NOXA1: variants seen among roughly 807,000 people sequenced by gnomAD.
The protein encoded by NOXA1 is NCF2-like protein.
Under a neutral mutation model 64.8 loss-of-function variants are expected in NOXA1, and 56 were observed. The ratio of observed to expected loss-of-function variants is 0.86; its 90% CI spans 0.70 to 1.08. NOXA1 has a LOEUF of 1.08. Among genes scored for constraint, NOXA1 ranks in the 50% least tolerant of loss-of-function variants. NOXA1 has a pLI of 0.00. For missense variants in NOXA1, 668 were observed against 658.5 expected, an observed-to-expected ratio of 1.01 and a Z score of -0.16; for synonymous variants, 295 against 294.8, an observed-to-expected ratio of 1.00 and a Z score of -0.01.
At chr9:137,429,218 C>A in intron 4 of NOXA1, 58 bp from the exon 5 acceptor site, 3 of 1,383,382 alleles carry the variant, frequency 2.2e-6, no homozygotes, top group Non-Finnish European at 2.9e-6. Flanking sequence ...AGGGGCTCTG[C>A]GGCTGCAGGC....
In NOXA1 at chr9:137,428,031, A is replaced by G. The variant is rs1444508693; in HGVS notation, c.261-2A>G. On this transcript the variant is annotated splice_acceptor_variant, in intron 2 of 13. Coordinates refer to ENST00000683555, the MANE Select transcript of NOXA1 (RefSeq NM_001256067.2). LOFTEE classifies it high-confidence loss of function. ...TGCTGAGGGGACCCCGGCTGCCCAC[A>G]GGTTCCAGGAGGCTCTGTCTGACTT... The G allele has an allele frequency of 1.9e-5, 29 of 1,565,226 alleles. No homozygotes were observed. Among genetic ancestry groups the G allele is most frequent in the Non-Finnish European group, 2.5e-5 (29 of 1,155,152 alleles).
intron 2 of NOXA1, among the ~76,000 whole-genome samples, chr9:137,427,596 G>A (rs930060644): frequency 1.3e-5 from 2 of 152,216 alleles, no homozygotes; most frequent in African/African-American, 4.8e-5. Flanking sequence ...TCACATCGGC[G>A]CGGGAAGCCC....
intron 1 of NOXA1, 121 bp downstream of exon 1, chr9:137,423,827 C>T (rs1838690663): frequency 2.3e-6 from 2 of 865,438 alleles, no homozygotes; most frequent in Non-Finnish European, 3.0e-6. Flanking sequence ...CAGCGAACGC[C>T]CCGGCAGGTG....
At chr9:137,433,700 C>G in intron 11 of NOXA1, 50 bp from the exon 12 acceptor site, 1 of 1,489,650 alleles carries the variant, frequency 6.7e-7, no homozygotes, top group Non-Finnish European at 9.0e-7. Context: ...GGTCACTGCC[C>G]TCCCTGCAGG....
intron 4 of NOXA1, 83 bp from the exon 5 acceptor site, chr9:137,429,193 T>G: frequency 7.4e-7 from 1 of 1,352,224 alleles, no homozygotes; most frequent in Non-Finnish European, 9.9e-7. Context: ...AGCGGCCCCT[T>G]CTGCTCCAAG....
chr9:137,427,938 T>A, intron 2 of NOXA1, 95 bp from the exon 3 acceptor site: 1 of 780,200 alleles, frequency 1.3e-6, no homozygotes, highest in Admixed American at 2.2e-5. Context: ...TGGAACCAGG[T>A]GTTGGGGGCG....
intron 6 of NOXA1, 34 bp downstream of exon 6, chr9:137,430,877 C>T: frequency 1.3e-6 from 2 of 1,558,946 alleles, no homozygotes; most frequent in African/African-American, 1.4e-5. Context: ...CCTGCCTGGC[C>T]TCACCCAGCT....
rs1838975474 is a variant in NOXA1 at position 137,429,140 on chromosome 9, G to A, written c.504+124G>A. On this transcript the variant is annotated intron_variant, in intron 4 of 13. Coordinates refer to ENST00000683555, the MANE Select transcript of NOXA1 (RefSeq NM_001256067.2). The stretch of plus-strand genomic sequence containing the variant: ...CCTAGTGCCCAGTTTCGGGTGCCAG[G>A]CGGGGGCTTCCTGTGACCTGCGGGA... 18 of 1,390,858 alleles carry A rather than the reference G, an allele frequency of 1.3e-5. No individual in the cohort carries two copies. In the South Asian group the frequency reaches 2.1e-4, roughly 16 times the overall value. The allele number at this position is 1,390,858 out of a possible 1,614,324, so 86.2% of individuals were successfully genotyped here. A position where few individuals can be genotyped will look rare whatever the true frequency, so the allele number is the denominator to read the frequency against.
chr9:137,426,481 T>G, intron 2 of NOXA1, 151 bp downstream of exon 2: 2 of 623,862 alleles, frequency 3.2e-6, no homozygotes, highest in Non-Finnish European at 5.5e-6. Flanking sequence ...AACCTGAGAC[T>G]GTGGCCCTCG....
At chr9:137,428,216 C>A in intron 3 of NOXA1, 75 bp downstream of exon 3, 2 of 1,098,680 alleles carry the variant, frequency 1.8e-6, no homozygotes. Context: ...CAGGAGGGCC[C>A]TGTGGACTGG....
intron 1 of NOXA1, among the ~76,000 whole-genome samples, chr9:137,424,113 C>G (rs1053028594): frequency 2.6e-5 from 4 of 152,124 alleles, no homozygotes; most frequent in Non-Finnish European, 5.9e-5. Context: ...GGTGCAGCGG[C>G]CGAGGCCCTG....
chr9:137,430,882 C>T, intron 6 of NOXA1, 39 bp downstream of exon 6: 1 of 1,553,766 alleles, frequency 6.4e-7, no homozygotes, highest in Non-Finnish European at 8.7e-7. Flanking sequence ...CTGGCCTCAC[C>T]CAGCTTTCTG....
rs755797429 is a variant in NOXA1 at position 137,432,314 on chromosome 9, T to C, written c.805-715T>C. Among the ~76,000 whole-genome samples, 643 of 142,858 alleles carry C rather than the reference T, an allele frequency of 4.5e-3. 5 individuals carry two copies. Among genetic ancestry groups the C allele is most frequent in the Non-Finnish European group, 7.2e-3 (478 of 66,696 alleles). The allele number at this position is 142,858 out of a possible 152,430, so 93.7% of individuals were successfully genotyped here. On this transcript the variant is annotated intron_variant, in intron 8 of 13. Coordinates refer to ENST00000683555, the MANE Select transcript of NOXA1 (RefSeq NM_001256067.2). ...AAAAAAAAAAGCCAGGCGAAGTGGC[T>C]CACGCCTGTAATCCCAGCACTTTGG...
intron 2 of NOXA1, 49 bp from the exon 3 acceptor site, chr9:137,427,984 C>T (rs1166924593): frequency 8.3e-6 from 11 of 1,327,744 alleles, no homozygotes; most frequent in Non-Finnish European, 1.2e-5. Context: ...TGCCTAACCA[C>T]AGCCCCATCT....
chr9:137,423,562 GC>G lies in NOXA1; in HGVS notation c.34del (p.His12ThrfsTer54). ...ASLGDLVRAW[H>X]LGAQAVDRGD... Reference sequence around the variant, plus strand: ...CTCTGGGGGACCTGGTGCGCGCCTGGCACCTGGGCGCGCAGGCTGTGGATCG... The same window carrying G: ...CTCTGGGGGACCTGGTGCGCGCCTGGACCTGGGCGCGCAGGCTGTGGATCG... On this transcript the variant is annotated frameshift_variant, in exon 1 of 14. Coordinates refer to ENST00000683555, the MANE Select transcript of NOXA1 (RefSeq NM_001256067.2). LOFTEE classifies it high-confidence loss of function. The G allele has an allele frequency of 6.9e-7, 1 of 1,452,834 alleles. No individual in the cohort carries two copies. Among genetic ancestry groups the G allele is most frequent in the Non-Finnish European group, 9.1e-7 (1 of 1,100,672 alleles). The allele number at this position is 1,452,834 out of a possible 1,614,324, so 90.0% of individuals were successfully genotyped here. A position where few individuals can be genotyped will look rare whatever the true frequency, so the allele number is the denominator to read the frequency against.
At chr9:137,424,991 A>G (rs1838789161) in intron 1 of NOXA1, among the ~76,000 whole-genome samples, 1 of 152,248 alleles carries the variant, frequency 6.6e-6, no homozygotes, top group African/African-American at 2.4e-5. Flanking sequence ...GGGGCAGCCC[A>G]GGGTGCAGAG....
intron 5 of NOXA1, among the ~76,000 whole-genome samples, chr9:137,429,747 C>G (rs1443606701): frequency 6.6e-6 from 1 of 151,492 alleles, no homozygotes; most frequent in African/African-American, 2.4e-5. Context: ...TCCCTGTGTC[C>G]CTGCCACAGA....
At chr9:137,426,603 G>A (rs1014664072) in intron 2 of NOXA1, among the ~76,000 whole-genome samples, 1 of 152,164 alleles carries the variant, frequency 6.6e-6, no homozygotes, top group African/African-American at 2.4e-5. Flanking sequence ...AGACCATCGG[G>A]ACTGCAGACC....
At position 137,431,086 on chromosome 9, in the gene NOXA1, G is replaced by A. The variant is rs770496123; in HGVS notation, c.684G>A (p.Ala228=). Residue 228 remains alanine (A), a synonymous_variant, in exon 7 of 14, where the codon GCG becomes GCA. Coordinates refer to ENST00000683555, the MANE Select transcript of NOXA1 (RefSeq NM_001256067.2). The surrounding 1 kb of genome is among the most constrained non-coding windows in gnomAD (Gnocchi z 5.6). The part of the protein sequence containing the change: ...VRPQQPQGPG[A]NHDARSLIMD... ...CTTTGTGTCCACAGGGACCAGGAGCGAACCATGATGCCAGGTAGGAGGGGC... is the reference window on the plus strand; with the variant it reads ...CTTTGTGTCCACAGGGACCAGGAGCAAACCATGATGCCAGGTAGGAGGGGC... 9.3e-6 allele frequency: 15 copies of A among 1,613,132 alleles called. No homozygotes were observed. Among genetic ancestry groups the A allele is most frequent in the East Asian group, 4.5e-5 (2 of 44,890 alleles).
Sources: gnomAD v4.1 joint callset for allele counts (sites outside exome capture counted in the v4.1 genomes callset) on GRCh38, gnomAD v4.1.1 for gene constraint, Gnocchi (gnomAD v3.1) non-coding constraint, MANE v1.5 for transcripts, NCBI Gene and HGNC (gene_info 2026-07-23, HGNC 2026-07-21) for gene names.